NALCN: variants seen among roughly 807,000 people sequenced by gnomAD.
NALCN encodes the protein sodium leak channel, non-selective.
In NALCN, 111 loss-of-function variants were observed where a neutral mutation model predicts 225.3. The ratio of observed to expected loss-of-function variants is 0.49; its 90% CI spans 0.42 to 0.58. The LOEUF (loss-of-function observed/expected upper bound fraction) is 0.58, where lower values mean the gene tolerates loss of function less well. Ranked by LOEUF, NALCN falls within the 20% of genes least tolerant of loss-of-function variation. The pLI, the probability that NALCN is intolerant of heterozygous loss-of-function variation, is 0.00. For missense variants in NALCN, 1,378 were observed against 2,202.4 expected (o/e 0.63, Z 7.49); for synonymous variants, 764 against 769.0 (o/e 0.99, Z 0.11).
chr13:101,055,043 A>G lies in NALCN; in HGVS notation c.*252T>C. ...TATATGACATTTTTAAGTGATATACATTTGCTTGCGGTATCATTTCTAATA... is the reference window on the plus strand; with the variant it reads ...TATATGACATTTTTAAGTGATATACGTTTGCTTGCGGTATCATTTCTAATA... On this transcript the variant is annotated 3_prime_UTR_variant, in exon 44 of 44. Transcript: ENST00000251127. 2.1e-6 allele frequency: 1 copy of G among 485,358 alleles called. No homozygotes were observed. The highest frequency in any genetic ancestry group is 3.4e-5 in the East Asian group (1 of 29,654). 30.1% of individuals were successfully genotyped at this position (485,358 alleles called of 1,614,324 possible).
intron 12 of NALCN, among the ~76,000 whole-genome samples, chr13:101,237,336 A>C (rs1374774670): frequency 1.3e-5 from 2 of 152,088 alleles, no homozygotes; most frequent in Non-Finnish European, 1.5e-5. Flanking sequence ...GTTGTTGAGC[A>C]AACACTTAGC....
At chr13:101,324,006 T>C (rs1273713625) in intron 7 of NALCN, among the ~76,000 whole-genome samples, 2 of 152,168 alleles carry the variant, frequency 1.3e-5, no homozygotes, top group African/African-American at 4.8e-5. Flanking sequence ...CAGAAAACCA[T>C]GGGAAGCAAC....
At chr13:101,184,538 A>C (rs1232187387) in intron 14 of NALCN, among the ~76,000 whole-genome samples, 1 of 151,930 alleles carries the variant, frequency 6.6e-6, no homozygotes, top group African/African-American at 2.4e-5. Flanking sequence ...TTTTTTTTCT[A>C]TTTAACTACA....
At chr13:101,173,449 C>A (rs545590727) in intron 15 of NALCN, among the ~76,000 whole-genome samples, 18 of 152,124 alleles carry the variant, frequency 1.2e-4, no homozygotes, top group Non-Finnish European at 2.6e-4. Context: ...GCTGTGTAAC[C>A]TTGAGCAAGT....
At chr13:101,173,900 C>A (rs186713469) in intron 15 of NALCN, among the ~76,000 whole-genome samples, 1 of 152,202 alleles carries the variant, frequency 6.6e-6, no homozygotes, top group East Asian at 1.9e-4. Flanking sequence ...CAGGTATCCA[C>A]ATGACCACAT....
At chr13:101,204,225 T>C (rs778178599) in intron 13 of NALCN, among the ~76,000 whole-genome samples, 2 of 152,206 alleles carry the variant, frequency 1.3e-5, no homozygotes, top group Non-Finnish European at 2.9e-5. Flanking sequence ...TATCACTGTA[T>C]CTGTAAAATA....
chr13:101,275,937 G>A lies in NALCN; in HGVS notation c.1134+7996C>T, dbSNP rs536704922. ...AAATTAGCTGGGCATGGTGGCGGGCGCCTGTAGTCTCAGCTACTCAGGAGG... is the reference window on the plus strand; with the variant it reads ...AAATTAGCTGGGCATGGTGGCGGGCACCTGTAGTCTCAGCTACTCAGGAGG... On this transcript the variant is annotated intron_variant, in intron 10 of 43. Coordinates refer to ENST00000251127, the MANE Select transcript of NALCN (RefSeq NM_052867.4). 1.4e-4 allele frequency among the ~76,000 whole-genome samples: 22 copies of A among 151,882 alleles called. No individual in the cohort carries two copies. In the South Asian group the frequency reaches 1.9e-3, roughly 13 times the overall value.
At position 101,065,385 on chromosome 13, in the gene NALCN, G is replaced by A; in HGVS notation, c.4604+19C>T. On this transcript the variant is annotated intron_variant, in intron 40 of 43. Coordinates refer to ENST00000251127, the MANE Select transcript of NALCN (RefSeq NM_052867.4). ...TGGTTTCTGGCCCCCATTCAGCCCT[G>A]CGAAAGCCTGCCTTGTACCTCAGGA... 3 of 1,613,614 alleles carry A rather than the reference G, an allele frequency of 1.9e-6. No homozygotes were observed. Among genetic ancestry groups the A allele is most frequent in the Non-Finnish European group, 2.5e-6 (3 of 1,179,666 alleles).
At chr13:101,336,138 G>A (rs1381610590) in intron 7 of NALCN, among the ~76,000 whole-genome samples, 3 of 152,082 alleles carry the variant, frequency 2.0e-5, no homozygotes, top group African/African-American at 7.2e-5. Flanking sequence ...CACTGGACCC[G>A]TGTAAGTGGA....
upstream of NALCN, chr13:101,416,534 G>A (rs768179964): frequency 2.0e-5 from 3 of 152,014 alleles, no homozygotes; most frequent in East Asian, 5.8e-4. Context: ...CGGGCAGGCT[G>A]GGGGAGGGGT....
chr13:101,378,207 A>T (rs1387454929), intron 4 of NALCN, among the ~76,000 whole-genome samples: 5 of 152,108 alleles, frequency 3.3e-5, no homozygotes, highest in African/African-American at 1.2e-4. Flanking sequence ...ATTCACAATC[A>T]TAACTGACAA....
rs117952251 is a variant in NALCN, at chr13:101,371,151, T to A, written c.644+5549A>T. On this transcript the variant is annotated intron_variant, in intron 6 of 43. Transcript: ENST00000251127. Reference sequence around the variant, plus strand: ...ATATACCATCATTAGTTTATCTATCTGTTGATGGAAATTTGGGTTGTCACC... The same window carrying A: ...ATATACCATCATTAGTTTATCTATCAGTTGATGGAAATTTGGGTTGTCACC... 5.4e-3 allele frequency among the ~76,000 whole-genome samples: 819 copies of A among 152,352 alleles called. 2 individuals carry two copies. Among genetic ancestry groups the A allele is most frequent in the South Asian group, 0.014 (68 of 4,830 alleles).
intron 27 of NALCN, among the ~76,000 whole-genome samples, chr13:101,099,706 G>GC (rs924630787): frequency 6.4e-4 from 97 of 152,186 alleles, no homozygotes; most frequent in African/African-American, 2.1e-3. Context: ...CTAAATTCCA[G>GC]CCCCCCTTGC....
chr13:101,075,503 A>G (rs982224499), intron 35 of NALCN, among the ~76,000 whole-genome samples: 2 of 151,506 alleles, frequency 1.3e-5, no homozygotes, highest in African/African-American at 4.8e-5. Context: ...ATAAAAATTC[A>G]TTAAAGATTA....
chr13:101,221,274 A>G (rs1055510294), intron 13 of NALCN, among the ~76,000 whole-genome samples: 8 of 151,894 alleles, frequency 5.3e-5, no homozygotes, highest in African/African-American at 1.9e-4. Context: ...ACACGCCACC[A>G]CACCCAGCTA....
At chr13:101,065,692 G>T in intron 39 of NALCN, 131 bp from the exon 40 acceptor site, 1 of 1,122,654 alleles carries the variant, frequency 8.9e-7, no homozygotes, top group Non-Finnish European at 1.2e-6. Flanking sequence ...AAGAAAGCTG[G>T]TCACCTCCTT....
At chr13:101,411,345 C>CTTTT (rs35728574) in intron 1 of NALCN, among the ~76,000 whole-genome samples, 2 of 138,240 alleles carry the variant, frequency 1.4e-5, no homozygotes, top group Non-Finnish European at 3.1e-5. Context: ...AAGCATCAGA[C>CTTTT]TTTTTTTTTT....
intron 2 of NALCN, 35 bp from the exon 3 acceptor site, chr13:101,395,400 A>G (rs776939069): frequency 1.9e-6 from 3 of 1,589,646 alleles, no homozygotes; most frequent in Non-Finnish European, 2.6e-6. Flanking sequence ...ACACGGCACC[A>G]TAACTGATAT....
intron 30 of NALCN, among the ~76,000 whole-genome samples, chr13:101,084,957 T>C (rs1219859313): frequency 6.6e-6 from 1 of 152,200 alleles, no homozygotes; most frequent in Non-Finnish European, 1.5e-5. Flanking sequence ...CTAATATTCT[T>C]GCAATACTTG....
Sources: gnomAD v4.1 joint callset for allele counts (sites outside exome capture counted in the v4.1 genomes callset) on GRCh38, gnomAD v4.1.1 for gene constraint, MANE v1.5 for transcripts, NCBI Gene and HGNC (gene_info 2026-07-23, HGNC 2026-07-21) for gene names.